The following PARD3 variants were observed in gnomAD, a reference collection of about 807,000 sequenced individuals.
PARD3 encodes partitioning defective 3 homolog.
A neutral mutation model predicts 155.4 loss-of-function variants in PARD3; 75 were observed. That is an observed-to-expected ratio of 0.48 (90% CI 0.40 to 0.58). The LOEUF (loss-of-function observed/expected upper bound fraction) is 0.58. PARD3 is among the 20% of genes least tolerant of loss of function. PARD3 has a pLI of 0.00. For synonymous variants in PARD3, 576 were observed against 610.5 expected (o/e 0.94, Z 0.83); for missense variants, 1,642 against 1,721.7 (o/e 0.95, Z 0.82).
At chr10:34,732,336 C>A (rs2094834133) in intron 1 of PARD3, among the ~76,000 whole-genome samples, 2 of 152,132 alleles carry the variant, frequency 1.3e-5, no homozygotes, top group African/African-American at 2.4e-5. Flanking sequence ...GCACTAATCC[C>A]TTTGTCCACC....
At chr10:34,526,194 C>G (rs111955113) in intron 2 of PARD3, among the ~76,000 whole-genome samples, 12 of 151,764 alleles carry the variant, frequency 7.9e-5, no homozygotes, top group Admixed American at 2.6e-4. Context: ...CACAGCCTCT[C>G]TAAACTGTAA....
At position 34,815,010 on chromosome 10, in the gene PARD3, G is replaced by A. The variant is rs763504801; in HGVS notation, c.-15C>T. The A allele has an allele frequency of 4.7e-5, 68 of 1,444,980 alleles. No homozygotes were observed. In the East Asian group the frequency reaches 1.9e-3, roughly 40 times the overall value. 89.5% of individuals were successfully genotyped at this position (1,444,980 alleles called of 1,614,324 possible). Reference sequence around the variant, plus strand: ...GTCACTTTCATGCCGCCGCCGCCGCGGGCGGGCCCGCGCCCCTCGCCGAGC... The same window carrying A: ...GTCACTTTCATGCCGCCGCCGCCGCAGGCGGGCCCGCGCCCCTCGCCGAGC... On this transcript the variant is annotated 5_prime_UTR_variant, in exon 1 of 25. Coordinates refer to ENST00000374788, the MANE Select transcript of PARD3 (RefSeq NM_001184785.2).
At chr10:34,286,893 A>G (rs891890679) in intron 20 of PARD3, among the ~76,000 whole-genome samples, 6 of 152,168 alleles carry the variant, frequency 3.9e-5, no homozygotes, top group Admixed American at 2.6e-4. Flanking sequence ...GTTTCTGGAC[A>G]TATTTTCACA....
intron 1 of PARD3, among the ~76,000 whole-genome samples, chr10:34,767,665 C>A (rs1274586405): frequency 6.6e-6 from 1 of 151,852 alleles, no homozygotes; most frequent in Non-Finnish European, 1.5e-5. Flanking sequence ...GTGGCATAAT[C>A]TGGGCTCACT....
chr10:34,804,888 T>C (rs1232172114), intron 1 of PARD3, among the ~76,000 whole-genome samples: 1 of 152,238 alleles, frequency 6.6e-6, no homozygotes, highest in Non-Finnish European at 1.5e-5. Context: ...TTAATACACA[T>C]CTTTTGATTG....
chr10:34,196,088 C>A (rs1367400908), intron 22 of PARD3, among the ~76,000 whole-genome samples: 1 of 152,208 alleles, frequency 6.6e-6, no homozygotes, highest in African/African-American at 2.4e-5. Context: ...ATACTTCTGC[C>A]ACTTAATTTG....
chr10:34,649,211 AG>A (rs1159365988), intron 2 of PARD3, among the ~76,000 whole-genome samples: 3 of 152,228 alleles, frequency 2.0e-5, no homozygotes, highest in Non-Finnish European at 4.4e-5. Context: ...TCGGGAGCCA[AG>A]GAAGGAGGAT....
At chr10:34,114,502 C>CTGG (rs2132639888) in intron 24 of PARD3, among the ~76,000 whole-genome samples, 1 of 152,172 alleles carries the variant, frequency 6.6e-6, no homozygotes, top group South Asian at 2.1e-4. Context: ...AACCACCACA[C>CTGG]CTGGCTAATT....
chr10:34,810,803 C>T (rs1191974441), intron 1 of PARD3, among the ~76,000 whole-genome samples: 1 of 152,160 alleles, frequency 6.6e-6, no homozygotes, highest in Admixed American at 6.5e-5. Context: ...GAGTTTCCCT[C>T]TCATCATCCT....
At chr10:34,530,561 C>G (rs181859942) in intron 2 of PARD3, among the ~76,000 whole-genome samples, 1 of 152,300 alleles carries the variant, frequency 6.6e-6, no homozygotes, top group East Asian at 1.9e-4. Context: ...TCATCCCCCA[C>G]TTTTTTGGCC....
At chr10:34,465,826 G>A (rs1774740) in intron 4 of PARD3, among the ~76,000 whole-genome samples, 8,155 of 151,936 alleles carry the variant, frequency 0.054, 267 homozygotes, top group African/African-American at 0.087. Context: ...CTTATCCCCG[G>A]CACTGCATGG....
At chr10:34,620,937 T>C (rs2091630993) in intron 2 of PARD3, among the ~76,000 whole-genome samples, 2 of 152,232 alleles carry the variant, frequency 1.3e-5, no homozygotes, top group South Asian at 4.1e-4. Context: ...AAGTGAAGCA[T>C]CTACAACTTC....
At chr10:34,314,959 C>T (rs1957920761) in intron 20 of PARD3, among the ~76,000 whole-genome samples, 1 of 152,098 alleles carries the variant, frequency 6.6e-6, no homozygotes, top group African/African-American at 2.4e-5. Context: ...ACCAATGATT[C>T]CACATACCTA....
chr10:34,564,310 G>A (rs1044595977), intron 2 of PARD3, among the ~76,000 whole-genome samples: 1 of 152,154 alleles, frequency 6.6e-6, no homozygotes. Context: ...AGTATATGAT[G>A]CAACAAGACA....
intron 5 of PARD3, among the ~76,000 whole-genome samples, chr10:34,416,829 C>T (rs950059000): frequency 6.6e-6 from 1 of 152,176 alleles, no homozygotes; most frequent in Non-Finnish European, 1.5e-5. Flanking sequence ...ACTGTAATGG[C>T]CAGATTGAAA....
At chr10:34,442,498 C>T (rs1252045117) in intron 5 of PARD3, among the ~76,000 whole-genome samples, 2 of 152,104 alleles carry the variant, frequency 1.3e-5, no homozygotes, top group Non-Finnish European at 2.9e-5. Flanking sequence ...GTTGTCCTGG[C>T]GCACAAGGAG....
chr10:34,137,412 C>T (rs1588895292), intron 22 of PARD3, among the ~76,000 whole-genome samples: 2 of 152,190 alleles, frequency 1.3e-5, no homozygotes, highest in East Asian at 3.9e-4. Flanking sequence ...AGAACCCAGT[C>T]TGGCTGACTC....
At chr10:34,739,649 G>A (rs1263357887) in intron 1 of PARD3, among the ~76,000 whole-genome samples, 2 of 152,114 alleles carry the variant, frequency 1.3e-5, no homozygotes, top group Non-Finnish European at 2.9e-5. Context: ...GAACCACCTT[G>A]TGCAACCTCA....
At position 34,341,694 on chromosome 10, in the gene PARD3, C is replaced by T. The variant is rs200839453; in HGVS notation, c.2341G>A (p.Asp781Asn). 6.2e-7 allele frequency: 1 copy of T among 1,614,022 alleles called. No individual in the cohort carries two copies. Among genetic ancestry groups the T allele is most frequent in the African/African-American group, 1.3e-5 (1 of 75,014 alleles). ...SDQSSSSSHD[D>N]VGFVTADAGT... ...GCATCTGCCGTCACAAACCCCACAT[C>T]ATCATGGGAGCTGGAAGAGGACTGG... is the stretch of plus-strand genomic sequence containing the variant. The change falls in exon 16 of 25, where the codon GAT becomes AAT. Residue 781 changes from aspartate (D) to asparagine (N), a missense_variant. By Grantham distance (23) the Asp-to-Asn change is conservative (BLOSUM62 1). Around this residue, in one of 3 missense-constraint regions of PARD3, gnomAD observed 1,529 missense variants for 1,587.3 expected, o/e 0.96. Coordinates refer to ENST00000374788, the MANE Select transcript of PARD3 (RefSeq NM_001184785.2).
Sources: gnomAD v4.1 joint callset for allele counts (sites outside exome capture counted in the v4.1 genomes callset) on GRCh38, gnomAD v4.1.1 for gene constraint, gnomAD v4.1.1 regional missense constraint, MANE v1.5 for transcripts, NCBI Gene and HGNC (gene_info 2026-07-23, HGNC 2026-07-21) for gene names.